ARFGEF1: variants seen among roughly 807,000 people sequenced by gnomAD.
The protein encoded by ARFGEF1 is brefeldin A-inhibited guanine nucleotide-exchange protein 1.
Under a neutral mutation model 231.0 loss-of-function variants are expected in ARFGEF1, and 42 were observed. The observed-to-expected ratio is 0.18, with a 90% CI of 0.14 to 0.24. ARFGEF1 has a LOEUF of 0.24. Among genes scored for constraint, ARFGEF1 ranks in the 10% least tolerant of loss-of-function variants. The pLI, the probability that ARFGEF1 is intolerant of heterozygous loss-of-function variation, is 1.00. For missense variants in ARFGEF1, 1,345 were observed against 2,192.0 expected (o/e 0.61, Z 7.72); for synonymous variants, 710 against 732.3 (o/e 0.97, Z 0.49).
intron 19 of ARFGEF1, among the ~76,000 whole-genome samples, chr8:67,250,561 T>C (rs1370926490): frequency 1.3e-5 from 2 of 152,218 alleles, no homozygotes. Context: ...AAGAATCCTG[T>C]AGTCATCTTT....
intron 38 of ARFGEF1, 48 bp from the exon 39 acceptor site, chr8:67,199,146 A>G (rs775287946): frequency 6.3e-7 from 1 of 1,580,380 alleles, no homozygotes; most frequent in South Asian, 1.2e-5. Flanking sequence ...CAAACTGCAG[A>G]GCCTTAAACT....
chr8:67,175,472 G>A (rs149297949), downstream of ARFGEF1: 341 of 1,612,440 alleles, frequency 2.1e-4, 3 homozygotes, highest in African/African-American at 4.2e-3. Context: ...AATAGTATCA[G>A]CACGCTGTTT....
chr8:67,237,118 T>C (rs1345811810), intron 22 of ARFGEF1, among the ~76,000 whole-genome samples: 3 of 152,280 alleles, frequency 2.0e-5, no homozygotes, highest in East Asian at 1.9e-4. Context: ...AGCCAATCAG[T>C]GCACATTCAC....
chr8:67,214,687 TG>T (rs1422402560), intron 33 of ARFGEF1, among the ~76,000 whole-genome samples: 18 of 152,176 alleles, frequency 1.2e-4, no homozygotes, highest in Admixed American at 8.5e-4. Flanking sequence ...GAAAGATGTG[TG>T]GATCACACTC....
intron 15 of ARFGEF1, among the ~76,000 whole-genome samples, chr8:67,259,406 T>G (rs1310455325): frequency 6.6e-6 from 1 of 152,154 alleles, no homozygotes; most frequent in African/African-American, 2.4e-5. Flanking sequence ...TTTTGTATTT[T>G]TATTAGAGAC....
intron 8 of ARFGEF1, among the ~76,000 whole-genome samples, 198 bp downstream of exon 8, chr8:67,277,084 A>G (rs1805344699): frequency 6.6e-6 from 1 of 152,186 alleles, no homozygotes; most frequent in African/African-American, 2.4e-5. Context: ...TGGAAATGTA[A>G]CTATCAAAAT....
chr8:67,214,470 T>A (rs1389086362), intron 33 of ARFGEF1, among the ~76,000 whole-genome samples: 1 of 152,220 alleles, frequency 6.6e-6, no homozygotes, highest in African/African-American at 2.4e-5. Flanking sequence ...AAAAAGAAAC[T>A]GCCAGTTGAT....
intron 1 of ARFGEF1, among the ~76,000 whole-genome samples, chr8:67,314,871 T>C (rs1807232682): frequency 6.6e-6 from 1 of 152,034 alleles, no homozygotes; most frequent in Admixed American, 6.6e-5. Context: ...CCCAACTCTA[T>C]AAAAAAATTT....
chr8:67,271,560 C>G (rs755709274), intron 10 of ARFGEF1, 142 bp downstream of exon 10: 2 of 649,654 alleles, frequency 3.1e-6, no homozygotes, highest in Non-Finnish European at 5.2e-6. Context: ...ATTAGTTGAA[C>G]AGGTGAATGA....
intron 34 of ARFGEF1, among the ~76,000 whole-genome samples, chr8:67,209,536 C>T (rs1474722059): frequency 6.6e-6 from 1 of 152,068 alleles, no homozygotes; most frequent in Non-Finnish European, 1.5e-5. Flanking sequence ...CTAAATGCCA[C>T]TGAATTATTA....
intron 1 of ARFGEF1, among the ~76,000 whole-genome samples, chr8:67,320,795 C>A (rs1807553674): frequency 6.6e-6 from 1 of 151,808 alleles, no homozygotes; most frequent in Admixed American, 6.6e-5. Context: ...AACCCCGTCT[C>A]TACTAAAAAT....
At chr8:67,301,740 G>A (rs1806500493) in intron 2 of ARFGEF1, among the ~76,000 whole-genome samples, 1 of 152,154 alleles carries the variant, frequency 6.6e-6, no homozygotes, top group African/African-American at 2.4e-5. Flanking sequence ...TTAAGTCAAA[G>A]TGAGTTTTTT....
At chr8:67,293,328 G>A (rs921970418) in intron 5 of ARFGEF1, among the ~76,000 whole-genome samples, 3 of 151,972 alleles carry the variant, frequency 2.0e-5, no homozygotes, top group African/African-American at 4.8e-5. Context: ...GGTTTTGCTC[G>A]TCACTGTATA....
At position 67,203,193 on chromosome 8, in the gene ARFGEF1, A is replaced by T. The variant is rs755163996; in HGVS notation, c.5018T>A (p.Phe1673Tyr). The T allele has an allele frequency of 3.2e-5, 51 of 1,614,124 alleles. No individual in the cohort carries two copies. Among genetic ancestry groups the T allele is most frequent in the Non-Finnish European group, 3.7e-5 (44 of 1,180,040 alleles). ...VDTQDQGMYR[F>Y]LTSQQLFKLL... ...CTTAAAAAGTTGTTGTGATGTTAAA[A>T]AGCGGTACATTCCTTGGTCTTGAGT... The change falls in exon 36 of 39, where the codon TTT becomes TAT. Residue 1673 changes from phenylalanine (F) to tyrosine (Y), a missense_variant. Around this residue, in one of 14 missense-constraint regions of ARFGEF1, gnomAD observed 161 missense variants for 284.9 expected, o/e 0.57. Coordinates refer to ENST00000262215, the MANE Select transcript of ARFGEF1 (RefSeq NM_006421.5).
At position 67,247,021 on chromosome 8, in the gene ARFGEF1, T is replaced by C. The variant is rs1411528302; in HGVS notation, c.2850+4278A>G. Reference sequence around the variant, plus strand: ...GGAAATGGATAAATTCCTAGACACATAGAATCTATGAAGATTGAACCAAGA... The same window carrying C: ...GGAAATGGATAAATTCCTAGACACACAGAATCTATGAAGATTGAACCAAGA... On this transcript the variant is annotated intron_variant, in intron 19 of 38. Transcript: ENST00000262215. Among the ~76,000 whole-genome samples, 4 of 150,062 alleles carry C rather than the reference T, an allele frequency of 2.7e-5. 1 individual carries two copies. Among genetic ancestry groups the C allele is most frequent in the Non-Finnish European group, 3.0e-5 (2 of 67,698 alleles).
At chr8:67,246,095 G>A (rs1210002773) in intron 19 of ARFGEF1, among the ~76,000 whole-genome samples, 1 of 149,990 alleles carries the variant, frequency 6.7e-6, no homozygotes, top group Non-Finnish European at 1.5e-5. Context: ...TGCACACCCA[G>A]CACTGCACCC....
At chr8:67,226,714 G>A (rs569640455) in intron 27 of ARFGEF1, among the ~76,000 whole-genome samples, 1 of 152,128 alleles carries the variant, frequency 6.6e-6, no homozygotes, top group East Asian at 1.9e-4. Context: ...TTGAACTTAA[G>A]GGGACTCCTC....
intron 19 of ARFGEF1, among the ~76,000 whole-genome samples, chr8:67,243,454 A>G (rs1426335693): frequency 6.6e-6 from 1 of 152,166 alleles, no homozygotes; most frequent in Non-Finnish European, 1.5e-5. Context: ...ATCGGCTCTC[A>G]TGAGACTCAT....
intron 9 of ARFGEF1, among the ~76,000 whole-genome samples, chr8:67,272,973 G>C (rs1368000771): frequency 6.6e-6 from 1 of 151,984 alleles, no homozygotes; most frequent in Non-Finnish European, 1.5e-5. Context: ...CGAGTGTGGT[G>C]GTGGGCACCT....
Sources: gnomAD v4.1 joint callset for allele counts (sites outside exome capture counted in the v4.1 genomes callset) on GRCh38, gnomAD v4.1.1 for gene constraint, gnomAD v4.1.1 regional missense constraint, MANE v1.5 for transcripts, NCBI Gene and HGNC (gene_info 2026-07-23, HGNC 2026-07-21) for gene names.